Variants in TENM2 observed in about 807,000 individuals in gnomAD.
TENM2 encodes teneurin-2.
A neutral mutation model predicts 245.2 loss-of-function variants in TENM2; 52 were observed. The observed-to-expected ratio is 0.21, with a 90% confidence interval of 0.17 to 0.27. The LOEUF (loss-of-function observed/expected upper bound fraction) is 0.27, where lower values mean the gene tolerates loss of function less well. Among genes scored for constraint, TENM2 ranks in the 10% least tolerant of loss-of-function variants. The pLI, the probability that TENM2 is intolerant of heterozygous loss-of-function variation, is 1.00. For synonymous variants in TENM2, 1,363 were observed against 1,438.9 expected, an observed-to-expected ratio of 0.95 and a Z score of 1.19; for missense variants, 3,046 against 3,666.8, an observed-to-expected ratio of 0.83 and a Z score of 4.37.
the TENM2 span, among the ~76,000 whole-genome samples, chr5:166,980,286 G>A: frequency 6.6e-6 from 1 of 152,176 alleles, no homozygotes; most frequent in South Asian, 2.1e-4. Context: ...TCAAAATTGT[G>A]AGACACGTAC....
At chr5:167,523,618 T>C (rs1770916735) in intron 2 of TENM2, among the ~76,000 whole-genome samples, 1 of 152,138 alleles carries the variant, frequency 6.6e-6, no homozygotes, top group South Asian at 2.1e-4. Flanking sequence ...AACTATTCTA[T>C]GCGCCACATT....
chr5:168,126,340 C>T (rs78546552), intron 11 of TENM2, among the ~76,000 whole-genome samples: 30 of 152,096 alleles, frequency 2.0e-4, no homozygotes, highest in African/African-American at 7.2e-4. Context: ...GGGTACTTCC[C>T]GGTTAGCTTT....
chr5:167,016,070 C>T, the TENM2 span, among the ~76,000 whole-genome samples: 1 of 151,798 alleles, frequency 6.6e-6, no homozygotes, highest in Non-Finnish European at 1.5e-5. Flanking sequence ...CTAGCTAACA[C>T]GATGAAACTC....
At chr5:167,391,031 C>G (rs1761722042) in intron 2 of TENM2, among the ~76,000 whole-genome samples, 1 of 152,096 alleles carries the variant, frequency 6.6e-6, no homozygotes, top group South Asian at 2.1e-4. Flanking sequence ...GTTGTTCACC[C>G]TGTTCTTTTT....
the TENM2 span, among the ~76,000 whole-genome samples, chr5:167,084,253 T>G: frequency 2.1e-5 from 3 of 144,404 alleles, no homozygotes; most frequent in Non-Finnish European, 4.5e-5. Flanking sequence ...GAATGTGTAT[T>G]TGTGTATCCA....
chr5:168,183,751 A>T (rs1247971958), intron 13 of TENM2, among the ~76,000 whole-genome samples: 1 of 152,034 alleles, frequency 6.6e-6, no homozygotes, highest in African/African-American at 2.4e-5. Context: ...CTGACTACCC[A>T]GACTTTCCTT....
chr5:167,612,199 C>T (rs1426797050), intron 2 of TENM2, among the ~76,000 whole-genome samples: 2 of 152,112 alleles, frequency 1.3e-5, no homozygotes, highest in African/African-American at 4.8e-5. Context: ...CTCACAACAG[C>T]ACAATGTGTC....
chr5:168,028,441 T>C (rs1369501094), intron 5 of TENM2, among the ~76,000 whole-genome samples: 1 of 152,144 alleles, frequency 6.6e-6, no homozygotes, highest in Non-Finnish European at 1.5e-5. Context: ...GGGGCGATTC[T>C]AGGCATGGGC....
At chr5:168,107,337 A>C (rs1794327777) in intron 9 of TENM2, among the ~76,000 whole-genome samples, 2 of 152,106 alleles carry the variant, frequency 1.3e-5, no homozygotes, top group South Asian at 4.1e-4. Context: ...AGTTCTCCAG[A>C]GTTCTCCCAA....
At chr5:167,850,651 G>A (rs1770490272) in intron 2 of TENM2, among the ~76,000 whole-genome samples, 1 of 152,138 alleles carries the variant, frequency 6.6e-6, no homozygotes, top group Non-Finnish European at 1.5e-5. Context: ...ATATGAAACA[G>A]GAAACGCTGG....
In TENM2 at chr5:167,950,672, AG is replaced by A. The variant is rs1718189704; in HGVS notation, c.713-1915del. ...TTAACCATGTGTGAGGGGCTTGGAT[AG>A]CATCCCTGAAGGATCATTATTACAT... is the stretch of plus-strand genomic sequence containing the variant. On this transcript the variant is annotated intron_variant, in intron 3 of 28. Coordinates refer to ENST00000518659, the Ensembl canonical transcript of TENM2. 5.3e-5 allele frequency among the ~76,000 whole-genome samples: 8 copies of A among 152,296 alleles called. No homozygotes were observed. In the South Asian group the frequency reaches 1.7e-3, roughly 32 times the overall value.
intron 2 of TENM2, among the ~76,000 whole-genome samples, chr5:167,623,361 T>A (rs941169666): frequency 2.0e-5 from 3 of 152,208 alleles, no homozygotes; most frequent in African/African-American, 7.2e-5. Flanking sequence ...TGTTTCTCTT[T>A]ATTATTTCAA....
chr5:167,013,247 T>G, the TENM2 span, among the ~76,000 whole-genome samples: 3 of 152,198 alleles, frequency 2.0e-5, no homozygotes, highest in Non-Finnish European at 2.9e-5. Flanking sequence ...TGTCCTGATC[T>G]GAAAGATTTC....
intron 2 of TENM2, among the ~76,000 whole-genome samples, chr5:167,700,682 C>G (rs1421273322): frequency 6.6e-6 from 1 of 152,004 alleles, no homozygotes; most frequent in African/African-American, 2.4e-5. Flanking sequence ...CATGGCCATG[C>G]TTTTCTGGGT....
intron 1 of TENM2, among the ~76,000 whole-genome samples, chr5:167,370,341 C>CAAAAAAAA (rs35067759): frequency 1.4e-5 from 1 of 73,474 alleles, no homozygotes; most frequent in Non-Finnish European, 3.1e-5. Flanking sequence ...GACTCCGTCT[C>CAAAAAAAA]AAAAAAAAAA....
intron 2 of TENM2, among the ~76,000 whole-genome samples, chr5:167,782,290 G>C (rs1582996733): frequency 1.0e-5 from 1 of 97,422 alleles, no homozygotes; most frequent in African/African-American, 4.9e-5. Context: ...TCCAGCCTGG[G>C]CAACAAGAGC....
intron 2 of TENM2, among the ~76,000 whole-genome samples, chr5:167,805,765 T>A (rs1766118010): frequency 6.6e-6 from 1 of 152,126 alleles, no homozygotes; most frequent in African/African-American, 2.4e-5. Context: ...GTGGTGGGCA[T>A]AGCATCCAGG....
rs996951578 is a variant in TENM2, at chr5:168,259,457, G to A, written c.7433-826G>A. Among the ~76,000 whole-genome samples, 7 of 152,062 alleles carry A rather than the reference G, an allele frequency of 4.6e-5. No individual in the cohort carries two copies. In the South Asian group the frequency reaches 8.3e-4, roughly 18 times the overall value. ...TACAAAATTAGCCAGGTGTGGTGGC[G>A]CATGCCTGTAATCCCAGCTACTTGG... is the stretch of plus-strand genomic sequence containing the variant. On this transcript the variant is annotated intron_variant, in intron 27 of 28. Transcript: ENST00000518659.
chr5:167,085,764 A>G, the TENM2 span, among the ~76,000 whole-genome samples: 1 of 152,158 alleles, frequency 6.6e-6, no homozygotes, highest in Admixed American at 6.5e-5. Context: ...TGAAATTATT[A>G]AACTCTATAA....
Sources: gnomAD v4.1 joint callset for allele counts (sites outside exome capture counted in the v4.1 genomes callset) on GRCh38, gnomAD v4.1.1 for gene constraint, MANE v1.5 for transcripts, NCBI Gene and HGNC (gene_info 2026-07-23, HGNC 2026-07-21) for gene names.